HIRA: variants seen among roughly 807,000 people sequenced by gnomAD.
HIRA encodes the protein protein HIRA.
In HIRA, 13 loss-of-function variants were observed where a neutral mutation model predicts 126.6. The observed-to-expected ratio is 0.10, with a 90% CI of 0.07 to 0.16. The LOEUF (loss-of-function observed/expected upper bound fraction) is 0.16, where lower values mean the gene tolerates loss of function less well. Ranked by LOEUF, HIRA falls within the 10% of genes least tolerant of loss-of-function variation. The probability of loss-of-function intolerance (pLI) is 1.00; values close to 1 mark genes in which losing one functional copy is unlikely to be tolerated. For missense variants in HIRA, 834 were observed against 1,314.4 expected (o/e 0.63, Z 5.65); for synonymous variants, 511 against 520.0 (o/e 0.98, Z 0.24).
Position 19,389,797 on chromosome 22 carries a change from G to C in HIRA, c.937-1243C>G, listed in dbSNP as rs1181052896. Among the ~76,000 whole-genome samples, 3 of 151,118 alleles carry C rather than the reference G, an allele frequency of 2.0e-5. No homozygotes were observed. The East Asian group carries it at 5.8e-4, about 29-fold the overall frequency. ...TGGGAGGAAACAGGGAAGGTCCCCT[G>C]AACGGCAATCTGTGGTACTGTGGTT... On this transcript the variant is annotated intron_variant, in intron 9 of 24. Transcript: ENST00000263208.
intron 1 of HIRA, among the ~76,000 whole-genome samples, chr22:19,427,317 T>C (rs1283504101): frequency 6.6e-6 from 1 of 152,240 alleles, no homozygotes; most frequent in Admixed American, 6.5e-5. Flanking sequence ...TGCAATCATA[T>C]AACCTCACCA....
rs576471872 is a variant in HIRA at position 19,413,642 on chromosome 22, C to T, written c.38-2864G>A. ...ATTTATTTATTTATAGACAGAGTTT[C>T]GCTCTGTCGCCCAGGCTAGAGTGCA... On this transcript the variant is annotated intron_variant, in intron 1 of 24. Coordinates refer to ENST00000263208, the MANE Select transcript of HIRA (RefSeq NM_003325.4). 8.0e-5 allele frequency among the ~76,000 whole-genome samples: 12 copies of T among 150,348 alleles called. No homozygotes were observed. In the South Asian group the frequency reaches 1.7e-3, roughly 21 times the overall value.
Position 19,331,033 on chromosome 22 carries a change from G to A in HIRA, c.*407C>T. 1 of 748,810 alleles carries A rather than the reference G, an allele frequency of 1.3e-6. No individual in the cohort carries two copies. Among genetic ancestry groups the A allele is most frequent in the South Asian group, 1.8e-5 (1 of 55,006 alleles). The allele number at this position is 748,810 out of a possible 1,614,324, so 46.4% of individuals were successfully genotyped here. ...TACATAGGTCTTAGGTCAGTCTGCT[G>A]TAATACCTAACGCTTCCGGATTCTC... On this transcript the variant is annotated 3_prime_UTR_variant, in exon 25 of 25. Coordinates refer to ENST00000263208, the MANE Select transcript of HIRA (RefSeq NM_003325.4).
At chr22:19,400,672 A>G (rs1272823703) in intron 5 of HIRA, among the ~76,000 whole-genome samples, 2 of 152,076 alleles carry the variant, frequency 1.3e-5, no homozygotes, top group Non-Finnish European at 2.9e-5. Context: ...CACACACAGG[A>G]GACCCTCCCC....
intron 13 of HIRA, among the ~76,000 whole-genome samples, chr22:19,382,848 C>T (rs1601833261): frequency 6.7e-6 from 1 of 149,012 alleles, no homozygotes; most frequent in Non-Finnish European, 1.5e-5. Flanking sequence ...TCACTATATA[C>T]ACTGGGACAA....
Position 19,431,483 on chromosome 22 carries a change from G to A in HIRA, c.-7C>T. On this transcript the variant is annotated 5_prime_UTR_variant, in exon 1 of 25. Coordinates refer to ENST00000263208, the MANE Select transcript of HIRA (RefSeq NM_003325.4). Reference sequence around the variant, plus strand: ...TCGGCTTCAGGAGCTTCATTGTTCGGCCGCCGCCGCCGCCGGGCTGAGGCG... The same window carrying A: ...TCGGCTTCAGGAGCTTCATTGTTCGACCGCCGCCGCCGCCGGGCTGAGGCG... The A allele has an allele frequency of 6.5e-7, 1 of 1,528,584 alleles. No individual in the cohort carries two copies. The highest frequency in any genetic ancestry group is 8.9e-7 in the Non-Finnish European group (1 of 1,129,894). 94.7% of individuals were successfully genotyped at this position (1,528,584 alleles called of 1,614,324 possible).
intron 5 of HIRA, among the ~76,000 whole-genome samples, chr22:19,404,086 G>C (rs1032781541): frequency 2.0e-5 from 3 of 151,998 alleles, no homozygotes; most frequent in Non-Finnish European, 4.4e-5. Context: ...ATTTTGTCTA[G>C]GTTTTTTCTT....
chr22:19,345,072 C>A (rs911921291), intron 24 of HIRA, among the ~76,000 whole-genome samples: 10 of 152,112 alleles, frequency 6.6e-5, no homozygotes, highest in African/African-American at 2.2e-4. Flanking sequence ...ATATCAGGAA[C>A]AAGAGAAGGA....
intron 1 of HIRA, among the ~76,000 whole-genome samples, chr22:19,429,201 G>A (rs942145536): frequency 1.5e-4 from 20 of 132,710 alleles, no homozygotes; most frequent in African/African-American, 5.1e-4. Context: ...GCAGTGGCGC[G>A]ATCTCGGCTC....
chr22:19,351,587 A>C lies in HIRA; in HGVS notation c.2849-141T>G, dbSNP rs2088757804. 4 of 667,010 alleles carry C rather than the reference A, an allele frequency of 6.0e-6. No individual in the cohort carries two copies. The highest frequency in any genetic ancestry group is 5.7e-5 in the South Asian group (3 of 52,248). The allele number at this position is 667,010 out of a possible 1,614,324, so 41.3% of individuals were successfully genotyped here. A position where few individuals can be genotyped will look rare whatever the true frequency, so the allele number is the denominator to read the frequency against. ...ACACATGCGTATTTTATTGCCTACT[A>C]TGGGCAAGACGCCCCTGCATGTCTC... On this transcript the variant is annotated intron_variant, in intron 23 of 24. Transcript: ENST00000263208. This position sits in a 1 kb window ranked among gnomAD's most constrained non-coding sequence, Gnocchi z 4.8.
At chr22:19,353,585 C>G (rs561230706) in intron 22 of HIRA, 66 bp from the exon 23 acceptor site, 14 of 1,470,234 alleles carry the variant, frequency 9.5e-6, no homozygotes, top group East Asian at 2.3e-5. Flanking sequence ...GAACTGCCCC[C>G]GTGTGCAACA....
chr22:19,388,387 A>G (rs1022715140), intron 10 of HIRA, 97 bp downstream of exon 10: 43 of 912,112 alleles, frequency 4.7e-5, no homozygotes, highest in Middle Eastern at 2.2e-4. Flanking sequence ...GGGAGGGGCC[A>G]CTGGCCACCT....
intron 1 of HIRA, among the ~76,000 whole-genome samples, chr22:19,411,674 G>T (rs2146245688): frequency 6.6e-6 from 1 of 152,346 alleles, no homozygotes; most frequent in Admixed American, 6.5e-5. Context: ...ACATGACAAT[G>T]ATCTGAGCAT....
At chr22:19,383,212 T>C (rs1311342486) in intron 13 of HIRA, among the ~76,000 whole-genome samples, 1 of 152,198 alleles carries the variant, frequency 6.6e-6, no homozygotes, top group Non-Finnish European at 1.5e-5. Context: ...TTATGGATAA[T>C]GTTTTTTTCT....
Position 19,330,731 on chromosome 22 carries a change from C to T in HIRA, c.*709G>A, listed in dbSNP as rs2088474749. ...TCAATGCGTGTTCATTTATTTTACA[C>T]TTACAAAAGAAATCGCCCACCCCTT... On this transcript the variant is annotated 3_prime_UTR_variant, in exon 25 of 25. Transcript: ENST00000263208. 6.4e-6 allele frequency: 1 copy of T among 156,092 alleles called. No individual in the cohort carries two copies. Among genetic ancestry groups the T allele is most frequent in the Non-Finnish European group, 1.4e-5 (1 of 70,334 alleles). The allele number at this position is 156,092 out of a possible 1,614,324, so 9.7% of individuals were successfully genotyped here.
intron 24 of HIRA, among the ~76,000 whole-genome samples, chr22:19,348,549 G>A (rs376298047): frequency 6.6e-6 from 1 of 151,634 alleles, no homozygotes; most frequent in Middle Eastern, 3.4e-3. Context: ...GGGCTGGTGT[G>A]CAATGGCGCG....
Position 19,361,398 on chromosome 22 carries a change from G to A in HIRA, c.1981-57C>T, listed in dbSNP as rs1787595671. ...CTCTAACACTACGGGGTAGCATTTGGTAAAGGCAGGTCACCCAGAAGTGAG... is the reference window on the plus strand; with the variant it reads ...CTCTAACACTACGGGGTAGCATTTGATAAAGGCAGGTCACCCAGAAGTGAG... On this transcript the variant is annotated intron_variant, in intron 16 of 24. Transcript: ENST00000263208. 30 of 1,449,254 alleles carry A rather than the reference G, an allele frequency of 2.1e-5. 2 individuals are homozygous for A. The South Asian group carries it at 3.0e-4, about 14-fold the overall frequency. 89.8% of individuals were successfully genotyped at this position (1,449,254 alleles called of 1,614,324 possible).
At chr22:19,339,785 T>C (rs904015226) in intron 24 of HIRA, among the ~76,000 whole-genome samples, 1 of 152,164 alleles carries the variant, frequency 6.6e-6, no homozygotes, top group Non-Finnish European at 1.5e-5. Flanking sequence ...AATGGATAAA[T>C]TCCTGGAAAT....
At chr22:19,370,581 G>C (rs2088955820) in intron 15 of HIRA, among the ~76,000 whole-genome samples, 1 of 152,150 alleles carries the variant, frequency 6.6e-6, no homozygotes, top group South Asian at 2.1e-4. Flanking sequence ...GCTCCTCCTG[G>C]TTTTCATTGA....
Sources: gnomAD v4.1 joint callset for allele counts (sites outside exome capture counted in the v4.1 genomes callset) on GRCh38, gnomAD v4.1.1 for gene constraint, Gnocchi (gnomAD v3.1) non-coding constraint, MANE v1.5 for transcripts, NCBI Gene and HGNC (gene_info 2026-07-23, HGNC 2026-07-21) for gene names.